Variants in PPP3CC observed in about 807,000 individuals in gnomAD.
PPP3CC encodes the protein protein phosphatase 3 catalytic subunit gamma, also known as serine/threonine-protein phosphatase 2B catalytic subunit gamma isoform.
In PPP3CC, 35 loss-of-function variants were observed where a neutral mutation model predicts 60.3. That is an observed-to-expected ratio of 0.58 (90% CI 0.44 to 0.77). The LOEUF is 0.77. Among genes scored for constraint, PPP3CC ranks in the 30% least tolerant of loss-of-function variants. The pLI is 0.00. For missense variants in PPP3CC, 570 were observed against 628.9 expected, an observed-to-expected ratio of 0.91 and a Z score of 1.00; for synonymous variants, 206 against 224.3, an observed-to-expected ratio of 0.92 and a Z score of 0.73.
chr8:22,447,340 C>T (rs938378734), intron 1 of PPP3CC, among the ~76,000 whole-genome samples: 1 of 151,858 alleles, frequency 6.6e-6, no homozygotes, highest in East Asian at 1.9e-4. Context: ...CCACCATGCC[C>T]GGCTAATTTT....
chr8:22,486,752 C>T (rs183723387), intron 3 of PPP3CC, among the ~76,000 whole-genome samples: 1,437 of 143,690 alleles, frequency 0.01, 21 homozygotes, highest in African/African-American at 0.032. Flanking sequence ...TTTTTTGGGA[C>T]GGAGTCTCAC....
chr8:22,460,743 G>A (rs1837340111), intron 1 of PPP3CC, among the ~76,000 whole-genome samples: 1 of 152,084 alleles, frequency 6.6e-6, no homozygotes, highest in Non-Finnish European at 1.5e-5. Flanking sequence ...TGCTTGAGGA[G>A]TTCGAGGCTA....
At chr8:22,528,413 T>C in intron 9 of PPP3CC, 93 bp from the exon 10 acceptor site, 1 of 746,922 alleles carries the variant, frequency 1.3e-6, no homozygotes, top group South Asian at 3.5e-5. Context: ...TGCTTATGCT[T>C]ACTTAACATG....
chr8:22,492,980 CA>C, intron 3 of PPP3CC: 7 of 1,274,990 alleles, frequency 5.5e-6, no homozygotes, highest in Non-Finnish European at 8.0e-6. Context: ...AAGCTCTGCC[CA>C]AACAGTCTGT....
At position 22,513,354 on chromosome 8, in the gene PPP3CC, C is replaced by T. The variant is rs764524113; in HGVS notation, c.692C>T (p.Pro231Leu). 6.2e-7 allele frequency: 1 copy of T among 1,613,844 alleles called. No individual in the cohort carries two copies. Among genetic ancestry groups the T allele is most frequent in the Non-Finnish European group, 8.5e-7 (1 of 1,179,902 alleles). Residue 231 changes from proline (P) to leucine (L), a missense_variant, in exon 6 of 14, where the codon CCC (proline) becomes CTC (leucine). Physicochemically the swap from Pro to Leu is moderately conservative, Grantham distance 98. Coordinates refer to ENST00000240139, the MANE Select transcript of PPP3CC (RefSeq NM_005605.5). ...GTGTGTGACCTGCTTTGGTCTGATC[C>T]CTCAGAGGATTATGGCAATGAGAAG... ...GPVCDLLWSD[P>L]SEDYGNEKTL...
intron 4 of PPP3CC, among the ~76,000 whole-genome samples, chr8:22,506,010 C>T (rs1838906553): frequency 1.3e-5 from 2 of 151,908 alleles, no homozygotes; most frequent in African/African-American, 4.8e-5. Flanking sequence ...GTCACCCAGG[C>T]ACTAAGCCTA....
chr8:22,536,969 A>G (rs373799368), intron 12 of PPP3CC, among the ~76,000 whole-genome samples: 44 of 152,324 alleles, frequency 2.9e-4, no homozygotes, highest in African/African-American at 1.0e-3. Flanking sequence ...AATAAAGCCA[A>G]TAGCCACAAA....
intron 6 of PPP3CC, among the ~76,000 whole-genome samples, chr8:22,519,114 T>C (rs2469771): frequency 0.47 from 70,899 of 152,058 alleles, 16,530 homozygotes; most frequent in East Asian, 0.55. Context: ...TATTGACCCT[T>C]TTATCATTAT....
chr8:22,491,100 G>A (rs987586192), intron 3 of PPP3CC, among the ~76,000 whole-genome samples: 1 of 152,168 alleles, frequency 6.6e-6, no homozygotes, highest in Non-Finnish European at 1.5e-5. Context: ...TGGACACCTA[G>A]TTTACCTCCA....
At chr8:22,497,907 T>C (rs1225773937) in intron 3 of PPP3CC, 94 bp from the exon 4 acceptor site, 2 of 741,694 alleles carry the variant, frequency 2.7e-6, no homozygotes, top group Non-Finnish European at 4.4e-6. Flanking sequence ...AACAATGAGA[T>C]ATGCCATTAC....
Position 22,475,486 on chromosome 8 carries a change from G to A in PPP3CC, c.248-14G>A, listed in dbSNP as rs1156829492. ...GGTATAATTTCTCACATCACTTTAT[G>A]CTTTTTTTCCTAGTATGTGGTGATA... On this transcript the variant is annotated splice_polypyrimidine_tract_variant and intron_variant, in intron 2 of 13. Transcript: ENST00000240139. The A allele has an allele frequency of 6.2e-7, 1 of 1,603,108 alleles. No individual in the cohort carries two copies. The highest frequency in any genetic ancestry group is 2.2e-5 in the East Asian group (1 of 44,710).
chr8:22,497,920 C>T, intron 3 of PPP3CC, 81 bp from the exon 4 acceptor site: 2 of 862,752 alleles, frequency 2.3e-6, no homozygotes, highest in Non-Finnish European at 3.6e-6. Context: ...GCCATTACAG[C>T]AAGTCATTTG....
intron 1 of PPP3CC, among the ~76,000 whole-genome samples, chr8:22,474,208 CAT>C (rs1403916817): frequency 6.6e-6 from 1 of 152,088 alleles, no homozygotes; most frequent in East Asian, 1.9e-4. Context: ...ACTTCTAAAA[CAT>C]AGGTGTCATT....
At chr8:22,473,516 T>C (rs1306170738) in intron 1 of PPP3CC, among the ~76,000 whole-genome samples, 2 of 151,436 alleles carry the variant, frequency 1.3e-5, no homozygotes, top group South Asian at 2.1e-4. Context: ...CAGGCTGAAG[T>C]GCAGTGTCAC....
intron 3 of PPP3CC, among the ~76,000 whole-genome samples, chr8:22,489,698 A>ATATATAAGTATATAT (rs1375192998): frequency 5.6e-5 from 8 of 142,210 alleles, no homozygotes; most frequent in African/African-American, 2.1e-4. Context: ...AGTATATATT[A>ATATATAAGTATATAT]TATATTATAT....
chr8:22,456,940 C>T (rs1457972461), intron 1 of PPP3CC, among the ~76,000 whole-genome samples: 2 of 151,386 alleles, frequency 1.3e-5, no homozygotes, highest in African/African-American at 2.4e-5. Flanking sequence ...TGAAAGACTT[C>T]TTGGATGCAT....
intron 8 of PPP3CC, chr8:22,523,650 G>A (rs1279730214): frequency 4.4e-6 from 2 of 454,064 alleles, no homozygotes; most frequent in Non-Finnish European, 4.4e-6. Flanking sequence ...CAGAGTCTGC[G>A]ACACATTCTT....
At chr8:22,492,354 G>C (rs977707557) in intron 3 of PPP3CC, among the ~76,000 whole-genome samples, 2 of 152,128 alleles carry the variant, frequency 1.3e-5, no homozygotes, top group African/African-American at 4.8e-5. Flanking sequence ...GAATGTGAAG[G>C]CCTAAGACAT....
intron 3 of PPP3CC, among the ~76,000 whole-genome samples, chr8:22,484,613 A>G (rs1267755694): frequency 1.3e-5 from 2 of 152,206 alleles, no homozygotes; most frequent in Admixed American, 6.5e-5. Flanking sequence ...CAGAATAGTT[A>G]ATTGTGGAAA....
Sources: allele counts gnomAD v4.1 joint callset (sites outside exome capture counted in the v4.1 genomes callset), GRCh38; gene constraint gnomAD v4.1.1; transcripts MANE v1.5; gene names NCBI Gene and HGNC (gene_info 2026-07-23, HGNC 2026-07-21).